The following SUN1 variants were observed in gnomAD, a reference collection of about 807,000 sequenced individuals.
SUN1 encodes the protein Sad1 and UNC84 domain containing 1, also known as SUN domain-containing protein 1.
A neutral mutation model predicts 103.2 loss-of-function variants in SUN1; 61 were observed. The observed-to-expected ratio is 0.59, with a 90% CI of 0.48 to 0.73. The LOEUF (loss-of-function observed/expected upper bound fraction) is 0.73, where lower values mean the gene tolerates loss of function less well. SUN1 is among the 30% of genes least tolerant of loss of function. The pLI is 0.00. For missense variants in SUN1, 1,052 were observed against 1,034.6 expected (o/e 1.02, Z -0.23); for synonymous variants, 490 against 425.7 (o/e 1.15, Z -1.86).
chr7:865,508 C>A (rs781046659), intron 15 of SUN1, among the ~76,000 whole-genome samples: 4 of 152,194 alleles, frequency 2.6e-5, no homozygotes, highest in Admixed American at 6.5e-5. Flanking sequence ...GAGGTTGCTT[C>A]CAGATGTGAG....
chr7:816,624 TC>T (rs1346725463), exon 1 of SUN1: 3 of 381,936 alleles, frequency 7.9e-6, no homozygotes, highest in South Asian at 1.8e-5. Flanking sequence ...CAGAGCGTCT[TC>T]TCGGGCCTGG....
upstream of SUN1, among the ~76,000 whole-genome samples, chr7:828,421 G>A (rs9639282): frequency 0.82 from 125,127 of 151,712 alleles, 52,238 homozygotes; most frequent in East Asian, 1. Flanking sequence ...ACAGGCGCCC[G>A]CCACCACACC....
upstream of SUN1, chr7:815,814 C>A (rs1048262380): frequency 2.7e-5 from 6 of 218,368 alleles, no homozygotes; most frequent in South Asian, 2.7e-4. Flanking sequence ...GAGGAGGGGC[C>A]GCGGGAGGAG....
chr7:844,128 T>G (rs1188490395), intron 5 of SUN1, among the ~76,000 whole-genome samples: 3 of 152,130 alleles, frequency 2.0e-5, no homozygotes, highest in Admixed American at 6.5e-5. Flanking sequence ...GCGGGGGGCC[T>G]CCTCCTGGGC....
upstream of SUN1, chr7:816,011 C>T (rs1411661754): frequency 2.9e-5 from 6 of 207,268 alleles, no homozygotes; most frequent in African/African-American, 7.2e-5. Flanking sequence ...CCTGGAGATT[C>T]AGACCCTCTC....
rs2128114517 is a variant in SUN1 at position 818,009 on chromosome 7, T to G, written c.-74+1336T>G. ...ATTTTAAATTTCCCAGAGCTGTTTTTTTTTCCTCCTTTAAAATTTGTAATA... is the reference window on the plus strand; with the variant it reads ...ATTTTAAATTTCCCAGAGCTGTTTTGTTTTCCTCCTTTAAAATTTGTAATA... On this transcript the variant is annotated intron_variant, in intron 1 of 17. Transcript: ENST00000389574. Among the ~76,000 whole-genome samples, 2 of 152,330 alleles carry G rather than the reference T, an allele frequency of 1.3e-5. 1 individual carries two copies. The highest frequency in any genetic ancestry group is 4.1e-4 in the South Asian group (2 of 4,824).
At chr7:817,687 T>A (rs1782100576) in intron 1 of SUN1, among the ~76,000 whole-genome samples, 1 of 152,248 alleles carries the variant, frequency 6.6e-6, no homozygotes, top group Non-Finnish European at 1.5e-5. Context: ...TAATCTGTTT[T>A]TACTCCCTAC....
At chr7:834,811 C>A (rs540018565) in intron 1 of SUN1, among the ~76,000 whole-genome samples, 1 of 152,314 alleles carries the variant, frequency 6.6e-6, no homozygotes, top group African/African-American at 2.4e-5. Flanking sequence ...CGCAGTGGCT[C>A]ACGCCTGTAA....
Position 827,466 on chromosome 7 carries a change from G to GTTT in SUN1, c.-74+10812_-74+10814dup, listed in dbSNP as rs35772182. Among the ~76,000 whole-genome samples the GTTT allele has an allele frequency of 6.0e-4, 80 of 133,258 alleles. 2 individuals carry two copies. Among genetic ancestry groups the GTTT allele is most frequent in the African/African-American group, 1.4e-3 (49 of 35,884 alleles). The allele number at this position is 133,258 out of a possible 152,430, so 87.4% of individuals were successfully genotyped here. On this transcript the variant is annotated intron_variant, in intron 1 of 17. Coordinates refer to the SUN1 transcript ENST00000389574. ...AGAGTAGGACTAAAATCTAAAGTCC[G>GTTT]TTTTTTTTTTTTTTTTTTTTTGAGA...
chr7:844,816 A>T (rs1281512329), intron 5 of SUN1, among the ~76,000 whole-genome samples: 1 of 152,118 alleles, frequency 6.6e-6, no homozygotes, highest in Non-Finnish European at 1.5e-5. Flanking sequence ...GGAGGCTCGC[A>T]GGTAGGTGGG....
chr7:821,734 A>G lies in SUN1; in HGVS notation c.-74+5061A>G, dbSNP rs368778544. On this transcript the variant is annotated intron_variant, in intron 1 of 17. Coordinates refer to the SUN1 transcript ENST00000389574. ...TTCAGGGTGAGGTGAGAGTCCTGGAATTACCTCTCCTGGAGGCTGTTGAAT... is the reference window on the plus strand; with the variant it reads ...TTCAGGGTGAGGTGAGAGTCCTGGAGTTACCTCTCCTGGAGGCTGTTGAAT... 2.3e-3 allele frequency among the ~76,000 whole-genome samples: 348 copies of G among 152,230 alleles called. 5 individuals carry two copies. Among genetic ancestry groups the G allele is most frequent in the African/African-American group, 8.1e-3 (335 of 41,538 alleles).
intron 1 of SUN1, among the ~76,000 whole-genome samples, chr7:819,688 T>A (rs1336575526): frequency 6.6e-6 from 1 of 151,762 alleles, no homozygotes; most frequent in African/African-American, 2.4e-5. Flanking sequence ...CAGGTCTGTA[T>A]GTTTTTATGC....
chr7:861,746 T>C (rs11772093), intron 15 of SUN1, among the ~76,000 whole-genome samples: 39,325 of 152,162 alleles, frequency 0.26, 6,122 homozygotes, highest in South Asian at 0.36. Flanking sequence ...CACTCTCTCC[T>C]GTGCTGTGAT....
chr7:861,742 C>T (rs917056782), intron 15 of SUN1, among the ~76,000 whole-genome samples: 7 of 152,220 alleles, frequency 4.6e-5, no homozygotes, highest in Non-Finnish European at 8.8e-5. Context: ...TGTTCACTCT[C>T]TCCTGTGCTG....
chr7:821,474 C>T (rs1028668324), intron 1 of SUN1, among the ~76,000 whole-genome samples: 3 of 152,130 alleles, frequency 2.0e-5, no homozygotes, highest in African/African-American at 7.2e-5. Flanking sequence ...GACCTGTTTT[C>T]AAAGAACGCT....
chr7:837,501 A>G (rs10271116), intron 1 of SUN1, among the ~76,000 whole-genome samples: 2 of 152,196 alleles, frequency 1.3e-5, no homozygotes, highest in African/African-American at 4.8e-5. Flanking sequence ...AGAACAGTGC[A>G]TAACTAATCA....
chr7:854,045 C>A (rs1013230768), intron 10 of SUN1, among the ~76,000 whole-genome samples: 1 of 152,200 alleles, frequency 6.6e-6, no homozygotes, highest in African/African-American at 2.4e-5. Context: ...GAGATGCTCC[C>A]ACCCACTGCA....
intron 1 of SUN1, among the ~76,000 whole-genome samples, chr7:838,545 G>T (rs535636728): frequency 6.6e-6 from 1 of 152,176 alleles, no homozygotes; most frequent in African/African-American, 2.4e-5. Flanking sequence ...AGTTGTAGAC[G>T]CTGGGCCCCA....
rs146287286 is a variant in SUN1, at chr7:839,534, C to T, written c.266+548C>T. 7.1e-5 allele frequency among the ~76,000 whole-genome samples: 4 copies of T among 56,242 alleles called. 1 individual carries two copies. The highest frequency in any genetic ancestry group is 1.8e-4 in the Admixed American group (1 of 5,520). 36.9% of individuals were successfully genotyped at this position (56,242 alleles called of 152,430 possible). Reference sequence around the variant, plus strand: ...CTGAGTAGCTGGGATTACAGGCGCCCGCCACCACGCCTGGCAAATTTTCCT... The same window carrying T: ...CTGAGTAGCTGGGATTACAGGCGCCTGCCACCACGCCTGGCAAATTTTCCT... On this transcript the variant is annotated intron_variant, in intron 2 of 18. Transcript: ENST00000401592.
Sources: allele counts gnomAD v4.1 joint callset (sites outside exome capture counted in the v4.1 genomes callset), GRCh38; gene constraint gnomAD v4.1.1; transcripts MANE v1.5; gene names NCBI Gene and HGNC (gene_info 2026-07-23, HGNC 2026-07-21).